NEDD4L: variants seen among roughly 807,000 people sequenced by gnomAD.
NEDD4L encodes NEDD4 like E3 ubiquitin protein ligase.
Under a neutral mutation model 148.9 loss-of-function variants are expected in NEDD4L, and 54 were observed. The observed-to-expected ratio is 0.36, with a 90% CI of 0.29 to 0.45. The LOEUF is 0.45. Ranked by LOEUF, NEDD4L falls within the 20% of genes least tolerant of loss-of-function variation. NEDD4L has a pLI of 1.00. For missense variants in NEDD4L, 856 were observed against 1,233.8 expected, an observed-to-expected ratio of 0.69 and a Z score of 4.59; for synonymous variants, 433 against 440.7, an observed-to-expected ratio of 0.98 and a Z score of 0.22.
chr18:58,173,215 T>A (rs1365935973), intron 2 of NEDD4L, among the ~76,000 whole-genome samples: 1 of 152,206 alleles, frequency 6.6e-6, no homozygotes, highest in African/African-American at 2.4e-5. Flanking sequence ...CTCCCCTCCC[T>A]TTTTCTCTTT....
At chr18:58,135,043 C>G (rs1275025115) in intron 1 of NEDD4L, among the ~76,000 whole-genome samples, 3 of 149,848 alleles carry the variant, frequency 2.0e-5, no homozygotes, top group Non-Finnish European at 4.4e-5. Flanking sequence ...TTTAGTGCCT[C>G]AAATCAAGGG....
intron 2 of NEDD4L, among the ~76,000 whole-genome samples, chr18:58,218,977 T>C (rs561632303): frequency 3.3e-5 from 5 of 152,328 alleles, no homozygotes; most frequent in Non-Finnish European, 5.9e-5. Flanking sequence ...CCTCTGTCCC[T>C]AGATCATGGC....
At chr18:58,214,799 CA>C (rs1283673679) in intron 2 of NEDD4L, among the ~76,000 whole-genome samples, 20 of 60,870 alleles carry the variant, frequency 3.3e-4, no homozygotes, top group South Asian at 5.3e-4. Flanking sequence ...TTCTTTCTTT[CA>C]TTTTTTTTTT....
intron 5 of NEDD4L, among the ~76,000 whole-genome samples, chr18:58,300,462 C>G (rs953719261): frequency 1.3e-5 from 2 of 152,216 alleles, no homozygotes; most frequent in African/African-American, 4.8e-5. Flanking sequence ...GTTATCCCCA[C>G]TTTGCAAATG....
At chr18:58,341,440 C>G (rs1431372407) in intron 14 of NEDD4L, among the ~76,000 whole-genome samples, 1 of 152,080 alleles carries the variant, frequency 6.6e-6, no homozygotes, top group African/African-American at 2.4e-5. Flanking sequence ...TCTTCCCTGC[C>G]CAGCCCCCAC....
chr18:58,120,736 C>T (rs1283404487), intron 1 of NEDD4L, among the ~76,000 whole-genome samples: 5 of 152,270 alleles, frequency 3.3e-5, no homozygotes, highest in Admixed American at 2.0e-4. Flanking sequence ...GCCGAGATCA[C>T]GCCACTGCAC....
chr18:58,118,509 T>G (rs2086006764), intron 1 of NEDD4L, among the ~76,000 whole-genome samples: 1 of 152,248 alleles, frequency 6.6e-6, no homozygotes, highest in African/African-American at 2.4e-5. Context: ...AATAAAAATC[T>G]GAAAGAACTG....
At chr18:58,193,761 T>C (rs1432288628) in intron 2 of NEDD4L, 1 of 152,250 alleles carries the variant, frequency 6.6e-6, no homozygotes, top group Admixed American at 6.5e-5. Context: ...CTCTCTGATT[T>C]CCAGTATATT....
chr18:58,084,081 T>C (rs2083617480), intron 1 of NEDD4L, among the ~76,000 whole-genome samples: 1 of 152,212 alleles, frequency 6.6e-6, no homozygotes, highest in Non-Finnish European at 1.5e-5. Flanking sequence ...AGAGGCAGCA[T>C]ACAAAATGCA....
intron 2 of NEDD4L, among the ~76,000 whole-genome samples, chr18:58,223,587 G>T (rs1477473786): frequency 6.6e-6 from 1 of 152,128 alleles, no homozygotes; most frequent in African/African-American, 2.4e-5. Flanking sequence ...ACTTCTTAGG[G>T]TTTTACCAAG....
intron 1 of NEDD4L, among the ~76,000 whole-genome samples, chr18:58,110,532 C>T (rs1283611851): frequency 6.6e-6 from 1 of 152,182 alleles, no homozygotes; most frequent in Non-Finnish European, 1.5e-5. Context: ...GACTCTCTGG[C>T]CCTCATTATC....
At chr18:58,391,152 A>C (rs8098126) in intron 29 of NEDD4L, among the ~76,000 whole-genome samples, 72,341 of 151,974 alleles carry the variant, frequency 0.48, 18,297 homozygotes, top group East Asian at 0.6. Context: ...TGAAAGTCAC[A>C]TTTCATTCAC....
intron 6 of NEDD4L, among the ~76,000 whole-genome samples, chr18:58,321,837 A>T (rs1427437248): frequency 6.6e-6 from 1 of 152,228 alleles, no homozygotes; most frequent in Non-Finnish European, 1.5e-5. Context: ...AACTTCACAC[A>T]ATCAAATGAA....
chr18:58,366,293 T>C lies in NEDD4L; in HGVS notation c.2063+65T>C. ...GACAGTTGTATGAATTTAAACAGAA[T>C]GAAAGGATAAGCAGCTCATGAGTTC... On this transcript the variant is annotated intron_variant, in intron 21 of 30. Coordinates refer to ENST00000400345, the MANE Select transcript of NEDD4L (RefSeq NM_001144967.3). This position sits in a 1 kb window ranked among gnomAD's most constrained non-coding sequence, Gnocchi z 4.2. 10 of 1,206,168 alleles carry C rather than the reference T, an allele frequency of 8.3e-6. No homozygotes were observed. In the Middle Eastern group the frequency reaches 1.4e-3, roughly 167 times the overall value. The allele number at this position is 1,206,168 out of a possible 1,614,324, so 74.7% of individuals were successfully genotyped here.
intron 24 of NEDD4L, 61 bp from the exon 25 acceptor site, chr18:58,383,185 C>A: frequency 2.3e-6 from 2 of 863,890 alleles, no homozygotes; most frequent in Non-Finnish European, 1.9e-6. Flanking sequence ...CATTGTCACT[C>A]AATAATAATA....
At chr18:58,121,226 T>C (rs2086220260) in intron 1 of NEDD4L, among the ~76,000 whole-genome samples, 1 of 152,112 alleles carries the variant, frequency 6.6e-6, no homozygotes, top group African/African-American at 2.4e-5. Flanking sequence ...ACGTGTGTTA[T>C]TAGGATCTTG....
chr18:58,248,844 G>A, intron 3 of NEDD4L, 55 bp from the exon 4 acceptor site: 3 of 910,256 alleles, frequency 3.3e-6, no homozygotes, highest in Non-Finnish European at 5.3e-6. Flanking sequence ...TATTGTACTA[G>A]TAACTGCTAA....
intron 1 of NEDD4L, among the ~76,000 whole-genome samples, chr18:58,154,365 T>C (rs2035185470): frequency 6.6e-6 from 1 of 152,170 alleles, no homozygotes. Context: ...GCCAAACTAG[T>C]GACAATGACT....
At chr18:58,045,150 C>G (rs954724083) in intron 1 of NEDD4L, 21 of 398,966 alleles carry the variant, frequency 5.3e-5, no homozygotes, top group Non-Finnish European at 8.8e-5. Context: ...GATCGTTTCC[C>G]CCTGGAACTT....
Sources: allele counts gnomAD v4.1 joint callset (sites outside exome capture counted in the v4.1 genomes callset), GRCh38; gene constraint gnomAD v4.1.1; non-coding constraint Gnocchi (gnomAD v3.1); transcripts MANE v1.5; gene names NCBI Gene and HGNC (gene_info 2026-07-23, HGNC 2026-07-21).